Variants in ASB15 observed in about 807,000 individuals in gnomAD.
ASB15 encodes ankyrin repeat and SOCS box containing 15, also known as ankyrin repeat and SOCS box protein 15.
A neutral mutation model predicts 58.0 loss-of-function variants in ASB15; 54 were observed. That is an observed-to-expected ratio of 0.93 (90% CI 0.75 to 1.17). The LOEUF is 1.17. ASB15 is among the 50% of genes most tolerant of loss of function. ASB15 has a pLI of 0.00. For synonymous variants in ASB15, 249 were observed against 262.4 expected, an observed-to-expected ratio of 0.95 and a Z score of 0.50; for missense variants, 680 against 707.4, an observed-to-expected ratio of 0.96 and a Z score of 0.44.
chr7:123,619,067 C>T (rs1410039884), intron 7 of ASB15, among the ~76,000 whole-genome samples: 1 of 150,624 alleles, frequency 6.6e-6, no homozygotes, highest in Non-Finnish European at 1.5e-5. Context: ...GTAATCCCAG[C>T]TACTCGGGAG....
intron 7 of ASB15, among the ~76,000 whole-genome samples, chr7:123,623,685 G>A (rs755421738): frequency 6.6e-6 from 1 of 151,948 alleles, no homozygotes; most frequent in African/African-American, 2.4e-5. Context: ...CCAACACGGT[G>A]AAACCCTGTC....
intron 1 of ASB15, among the ~76,000 whole-genome samples, chr7:123,591,046 A>G (rs1028686331): frequency 6.6e-6 from 1 of 151,980 alleles, no homozygotes; most frequent in Non-Finnish European, 1.5e-5. Context: ...TAGGTATTTT[A>G]TTCTCTTTGT....
intron 7 of ASB15, among the ~76,000 whole-genome samples, chr7:123,623,964 AAAGAAAGAAAGAAAGAAAG>A (rs1801575041): frequency 1.4e-5 from 2 of 147,406 alleles, no homozygotes; most frequent in Non-Finnish European, 3.0e-5. Context: ...AGAAAGAAAG[AAAGAAAGAAAGAAAGAAAG>A]AAAGAAAGAA....
intron 3 of ASB15, among the ~76,000 whole-genome samples, chr7:123,613,072 T>C (rs1017523626): frequency 2.6e-5 from 4 of 152,000 alleles, no homozygotes; most frequent in African/African-American, 9.7e-5. Context: ...ACATTAGCAC[T>C]ATTCTATACC....
At chr7:123,594,347 A>G (rs1799633196) in intron 1 of ASB15, among the ~76,000 whole-genome samples, 1 of 152,062 alleles carries the variant, frequency 6.6e-6, no homozygotes, top group African/African-American at 2.4e-5. Flanking sequence ...GTTCCTTTGG[A>G]GGAGAAGAGG....
chr7:123,592,317 T>C (rs1448036718), intron 1 of ASB15, among the ~76,000 whole-genome samples: 1 of 152,172 alleles, frequency 6.6e-6, no homozygotes, highest in African/African-American at 2.4e-5. Context: ...TTATTTCTTG[T>C]CTTCTGCTAG....
At chr7:123,596,711 T>C (rs951859777) in intron 1 of ASB15, among the ~76,000 whole-genome samples, 1 of 152,220 alleles carries the variant, frequency 6.6e-6, no homozygotes, top group African/African-American at 2.4e-5. Flanking sequence ...ATATAATTTC[T>C]TCTATAGTAT....
chr7:123,638,970 G>A lies in ASB15; in HGVS notation c.*1989G>A, dbSNP rs1046125868. The stretch of plus-strand genomic sequence containing the variant: ...CCCTAGAGCATGGAGTTCAATAATT[G>A]TTTGTTGAAATATATTGAATAAGTG... On this transcript the variant is annotated 3_prime_UTR_variant, in exon 12 of 12. Coordinates refer to ENST00000451215, the MANE Select transcript of ASB15 (RefSeq NM_001290258.2). 4 of 152,122 alleles carry A rather than the reference G, an allele frequency of 2.6e-5. No homozygotes were observed. The highest frequency in any genetic ancestry group is 9.7e-5 in the African/African-American group (4 of 41,420). The allele number at this position is 152,122 out of a possible 1,614,324, so 9.4% of individuals were successfully genotyped here. A position where few individuals can be genotyped will look rare whatever the true frequency, so the allele number is the denominator to read the frequency against.
intron 1 of ASB15, among the ~76,000 whole-genome samples, chr7:123,588,768 A>G (rs1799446929): frequency 6.6e-6 from 1 of 150,544 alleles, no homozygotes; most frequent in African/African-American, 2.4e-5. Flanking sequence ...GGTGTGTTCT[A>G]TGTCCATTTT....
At chr7:123,594,962 G>C (rs139206650) in intron 1 of ASB15, among the ~76,000 whole-genome samples, 1 of 152,130 alleles carries the variant, frequency 6.6e-6, no homozygotes, top group African/African-American at 2.4e-5. Context: ...CTTCCCTGCC[G>C]CTTTGTTTAC....
intron 1 of ASB15, among the ~76,000 whole-genome samples, chr7:123,594,173 A>G (rs1799626977): frequency 1.3e-5 from 2 of 152,210 alleles, no homozygotes; most frequent in South Asian, 4.1e-4. Context: ...CTAGTTTGCC[A>G]TTCCTCTAAC....
chr7:123,603,656 C>A (rs905165566), intron 1 of ASB15, among the ~76,000 whole-genome samples: 3 of 151,962 alleles, frequency 2.0e-5, no homozygotes, highest in Non-Finnish European at 2.9e-5. Context: ...CTTATTAAGT[C>A]AGCAAATAAA....
Position 123,628,846 on chromosome 7 carries a change from T to C in ASB15, c.870-18T>C. ...GATTTTCTTTATGGCAAGTAGATATTTGACTTTTTTCTTTTAGTGCACTGA... is the reference window on the plus strand; with the variant it reads ...GATTTTCTTTATGGCAAGTAGATATCTGACTTTTTTCTTTTAGTGCACTGA... On this transcript the variant is annotated intron_variant, in intron 9 of 11. Transcript: ENST00000451215. The C allele has an allele frequency of 1.4e-6, 2 of 1,448,666 alleles. No homozygotes were observed. Among genetic ancestry groups the C allele is most frequent in the South Asian group, 2.8e-5 (2 of 71,832 alleles). The allele number at this position is 1,448,666 out of a possible 1,614,324, so 89.7% of individuals were successfully genotyped here.
At chr7:123,587,003 T>A (rs1463500414) in intron 1 of ASB15, among the ~76,000 whole-genome samples, 1 of 151,726 alleles carries the variant, frequency 6.6e-6, no homozygotes, top group African/African-American at 2.4e-5. Flanking sequence ...GTATTATAAT[T>A]TGATGCTTTC....
At chr7:123,605,332 G>T (rs202095188) in intron 2 of ASB15, among the ~76,000 whole-genome samples, 1 of 152,094 alleles carries the variant, frequency 6.6e-6, no homozygotes. Context: ...CTACTAAAAA[G>T]TCAAAAAATA....
rs1308409221 is a variant in ASB15 at position 123,620,503 on chromosome 7, CATACATATATATATATAT to C, written c.451+2770_451+2787del. On this transcript the variant is annotated intron_variant, in intron 7 of 11. Coordinates refer to ENST00000451215, the MANE Select transcript of ASB15 (RefSeq NM_001290258.2). ...CACCACTAGTAATGTGACACATATA[CATACATATATATATATAT>C]ATATATATATATATATATATATATA... Among the ~76,000 whole-genome samples the C allele has an allele frequency of 5.2e-3, 274 of 53,050 alleles. 6 individuals carry two copies. The highest frequency in any genetic ancestry group is 0.02 in the African/African-American group (258 of 12,598). The allele number at this position is 53,050 out of a possible 152,430, so 34.8% of individuals were successfully genotyped here. A position where few individuals can be genotyped will look rare whatever the true frequency, so the allele number is the denominator to read the frequency against.
At chr7:123,623,115 C>G (rs929961330) in intron 7 of ASB15, 3 of 152,218 alleles carry the variant, frequency 2.0e-5, no homozygotes, top group Non-Finnish European at 2.9e-5. Flanking sequence ...GGCTTCTTCT[C>G]TAGGCCATAA....
At chr7:123,610,638 T>A (rs1186699865) in intron 3 of ASB15, among the ~76,000 whole-genome samples, 2 of 152,212 alleles carry the variant, frequency 1.3e-5, no homozygotes, top group African/African-American at 4.8e-5. Flanking sequence ...TGAGTGGACA[T>A]GTGTCCCTCT....
At chr7:123,574,751 G>A (rs1417818115) in intron 1 of ASB15, among the ~76,000 whole-genome samples, 6 of 151,848 alleles carry the variant, frequency 4.0e-5, no homozygotes, top group African/African-American at 1.5e-4. Context: ...CTTACATCAA[G>A]CAATATTTTT....
Sources: allele counts gnomAD v4.1 joint callset (sites outside exome capture counted in the v4.1 genomes callset), GRCh38; gene constraint gnomAD v4.1.1; transcripts MANE v1.5; gene names NCBI Gene and HGNC (gene_info 2026-07-23, HGNC 2026-07-21).